TRDN: variants seen among roughly 807,000 people sequenced by gnomAD.
The protein encoded by TRDN is triadin.
In TRDN, 161 loss-of-function variants were observed where a neutral mutation model predicts 149.7. The observed-to-expected ratio is 1.08, with a 90% CI of 0.95 to 1.23. TRDN has a LOEUF of 1.23. Among genes scored for constraint, TRDN ranks in the 50% most tolerant of loss-of-function variants. The pLI is 0.00. For synonymous variants in TRDN, 294 were observed against 250.5 expected (o/e 1.17, Z -1.64); for missense variants, 896 against 823.5 (o/e 1.09, Z -1.08).
At position 123,522,917 on chromosome 6, in the gene TRDN, C is replaced by A. The variant is rs549751708; in HGVS notation, c.485-6711G>T. Reference sequence around the variant, plus strand: ...GGTGAAAACCTGAGAAGACTATGAGCCCATATCCCTTTGTTCATGGATAAC... The same window carrying A: ...GGTGAAAACCTGAGAAGACTATGAGACCATATCCCTTTGTTCATGGATAAC... On this transcript the variant is annotated intron_variant, in intron 5 of 40. Coordinates refer to ENST00000334268, the MANE Select transcript of TRDN (RefSeq NM_006073.4). Among the ~76,000 whole-genome samples, 6 of 152,166 alleles carry A rather than the reference C, an allele frequency of 3.9e-5. No homozygotes were observed. In the East Asian group the frequency reaches 9.7e-4, roughly 25 times the overall value.
intron 2 of TRDN, among the ~76,000 whole-genome samples, chr6:123,563,767 T>C (rs1031112039): frequency 2.0e-5 from 3 of 152,188 alleles, no homozygotes; most frequent in Non-Finnish European, 4.4e-5. Context: ...TTAATGAAGT[T>C]GAGGTTTAGT....
chr6:123,500,478 C>T (rs185750385), intron 8 of TRDN, among the ~76,000 whole-genome samples: 185 of 152,140 alleles, frequency 1.2e-3, no homozygotes, highest in African/African-American at 4.4e-3. Flanking sequence ...TCTTTAAACC[C>T]AACTTAAATA....
chr6:123,512,428 C>T (rs978000808), intron 6 of TRDN, 66 bp from the exon 7 acceptor site: 18 of 960,706 alleles, frequency 1.9e-5, no homozygotes, highest in African/African-American at 3.3e-5. Context: ...TTTCTTTTGA[C>T]CTCAGTTTCA....
intron 12 of TRDN, among the ~76,000 whole-genome samples, chr6:123,405,257 G>A (rs1773147014): frequency 6.6e-6 from 1 of 152,196 alleles, no homozygotes; most frequent in South Asian, 2.1e-4. Context: ...GAGCAAGTGA[G>A]TAAATGCTAG....
At position 123,388,527 on chromosome 6, in the gene TRDN, T is replaced by C. The variant is rs750876367; in HGVS notation, c.1130A>G (p.Lys377Arg). 1 of 1,587,378 alleles carries C rather than the reference T, an allele frequency of 6.3e-7. No individual in the cohort carries two copies. Among genetic ancestry groups the C allele is most frequent in the Non-Finnish European group, 8.6e-7 (1 of 1,164,732 alleles). ...GGATTTTGCATAAAACATACCTTCC[T>C]TCTTTTCATCCTTCTTAGCTGCTGC... ...AQAAAKKDEK[K>R]EDSKKTKKPA... Residue 377 changes from lysine to arginine, a missense_variant, in exon 14 of 41, where the codon AAG becomes AGG. Lys to Arg is a conservative substitution (Grantham distance 26). Coordinates refer to ENST00000334268, the MANE Select transcript of TRDN (RefSeq NM_006073.4).
At chr6:123,521,257 C>T (rs1375075193) in intron 5 of TRDN, among the ~76,000 whole-genome samples, 1 of 152,040 alleles carries the variant, frequency 6.6e-6, no homozygotes, top group African/African-American at 2.4e-5. Context: ...AGCCCCAGAG[C>T]CTAAGAATGT....
intron 12 of TRDN, among the ~76,000 whole-genome samples, chr6:123,419,085 G>T (rs190371357): frequency 1.9e-4 from 29 of 151,960 alleles, no homozygotes; most frequent in Admixed American, 1.3e-3. Flanking sequence ...AAAAGAAACT[G>T]ATAGATCCAG....
intron 14 of TRDN, among the ~76,000 whole-genome samples, chr6:123,385,446 A>C (rs1049845558): frequency 1.3e-5 from 2 of 151,358 alleles, no homozygotes; most frequent in Non-Finnish European, 2.9e-5. Flanking sequence ...AAAAAAAAAA[A>C]CAGAAAGAAA....
chr6:123,430,829 A>G (rs140140255), intron 12 of TRDN, among the ~76,000 whole-genome samples: 41 of 152,252 alleles, frequency 2.7e-4, no homozygotes, highest in Non-Finnish European at 5.6e-4. Flanking sequence ...CATTCAGCCC[A>G]AGCTCACTTT....
chr6:123,490,066 A>C (rs1196601696), intron 9 of TRDN, among the ~76,000 whole-genome samples: 1 of 152,224 alleles, frequency 6.6e-6, no homozygotes, highest in Non-Finnish European at 1.5e-5. Context: ...CTAGACTCTA[A>C]TGATTAGGGT....
At chr6:123,456,652 A>G in intron 10 of TRDN, among the ~76,000 whole-genome samples, 1 of 152,048 alleles carries the variant, frequency 6.6e-6, no homozygotes. Flanking sequence ...TATTTTTTGT[A>G]GAGATAGGGT....
intron 19 of TRDN, among the ~76,000 whole-genome samples, chr6:123,372,207 G>A (rs1047765461): frequency 2.6e-5 from 4 of 151,958 alleles, no homozygotes; most frequent in Non-Finnish European, 5.9e-5. Flanking sequence ...AAGAGCAGTT[G>A]TCTCCAAATA....
At chr6:123,553,912 A>G (rs549311839) in intron 2 of TRDN, among the ~76,000 whole-genome samples, 1 of 152,290 alleles carries the variant, frequency 6.6e-6, no homozygotes, top group Admixed American at 6.5e-5. Context: ...CCATATCAGC[A>G]TAGAGGGCAG....
At chr6:123,478,559 T>C (rs1562337082) in intron 9 of TRDN, among the ~76,000 whole-genome samples, 1 of 152,164 alleles carries the variant, frequency 6.6e-6, no homozygotes, top group Non-Finnish European at 1.5e-5. Context: ...TATAGGTAAA[T>C]AGGTAAATAC....
chr6:123,325,789 C>T (rs536893336), intron 23 of TRDN, among the ~76,000 whole-genome samples: 2 of 152,184 alleles, frequency 1.3e-5, no homozygotes, highest in African/African-American at 2.4e-5. Flanking sequence ...TTAACTTATT[C>T]TGAAAGGTGC....
chr6:123,440,267 G>T (rs1225064126), intron 10 of TRDN, among the ~76,000 whole-genome samples: 1 of 152,120 alleles, frequency 6.6e-6, no homozygotes, highest in African/African-American at 2.4e-5. Flanking sequence ...TTGTCTAAAA[G>T]TGTCTACAGC....
intron 5 of TRDN, among the ~76,000 whole-genome samples, chr6:123,517,176 T>G (rs1779451171): frequency 6.6e-6 from 1 of 152,040 alleles, no homozygotes; most frequent in East Asian, 1.9e-4. Context: ...ATGTATGAAA[T>G]GACCTAATCT....
intron 1 of TRDN, among the ~76,000 whole-genome samples, chr6:123,603,803 C>G (rs1406128042): frequency 6.6e-6 from 1 of 152,018 alleles, no homozygotes; most frequent in East Asian, 1.9e-4. Flanking sequence ...TTAGATCTTT[C>G]CAGAAATTTT....
At chr6:123,352,722 T>C (rs1780515273) in intron 20 of TRDN, 136 bp from the exon 21 acceptor site, 1 of 1,232,846 alleles carries the variant, frequency 8.1e-7, no homozygotes, top group Non-Finnish European at 1.1e-6. Flanking sequence ...TAAACATTTC[T>C]CATTTCTCTA....
Sources: allele counts gnomAD v4.1 joint callset (sites outside exome capture counted in the v4.1 genomes callset), GRCh38; gene constraint gnomAD v4.1.1; transcripts MANE v1.5; gene names NCBI Gene and HGNC (gene_info 2026-07-23, HGNC 2026-07-21).